Variants in HSPA12A observed in about 807,000 individuals in gnomAD.
The protein encoded by HSPA12A is heat shock 70 kDa protein 12A.
A neutral mutation model predicts 69.2 loss-of-function variants in HSPA12A; 28 were observed. That is an observed-to-expected ratio of 0.40 (90% confidence interval 0.30 to 0.55). The LOEUF (loss-of-function observed/expected upper bound fraction) is 0.55. Ranked by LOEUF, HSPA12A falls within the 20% of genes least tolerant of loss-of-function variation. HSPA12A has a pLI of 0.38. For synonymous variants in HSPA12A, 345 were observed against 370.5 expected (o/e 0.93, Z 0.79); for missense variants, 686 against 900.7 (o/e 0.76, Z 3.05).
At chr10:116,839,516 T>C (rs546009574) in intron 1 of HSPA12A, among the ~76,000 whole-genome samples, 1 of 150,806 alleles carries the variant, frequency 6.6e-6, no homozygotes, top group East Asian at 2.0e-4. Flanking sequence ...AAGTTACAGC[T>C]TATTTAAAAA....
chr10:116,726,055 A>G lies in HSPA12A; in HGVS notation c.40+16375T>C, dbSNP rs542303601. On this transcript the variant is annotated intron_variant, in intron 1 of 11. Coordinates refer to ENST00000369209, the MANE Select transcript of HSPA12A (RefSeq NM_025015.3). ...CACACACACACACACACACACACAC[A>G]ACAGGCCAAGCAGGACAAGGTGAAT... is the stretch of plus-strand genomic sequence containing the variant. Among the ~76,000 whole-genome samples the G allele has an allele frequency of 1.6e-3, 228 of 143,408 alleles. 3 individuals carry two copies. Among genetic ancestry groups the G allele is most frequent in the African/African-American group, 6.4e-3 (222 of 34,584 alleles). 94.1% of individuals were successfully genotyped at this position (143,408 alleles called of 152,430 possible).
intron 1 of HSPA12A, among the ~76,000 whole-genome samples, chr10:116,715,074 C>T (rs1024677476): frequency 3.3e-5 from 5 of 152,294 alleles, no homozygotes; most frequent in Admixed American, 6.5e-5. Flanking sequence ...AAGATAATCA[C>T]AAGGAAAATC....
At chr10:116,797,028 A>G (rs6585419) in intron 2 of HSPA12A, among the ~76,000 whole-genome samples, 66,467 of 151,952 alleles carry the variant, frequency 0.44, 14,791 homozygotes, top group Admixed American at 0.53. Flanking sequence ...TCCTCCAAAG[A>G]AATCCCACAG....
intron 2 of HSPA12A, among the ~76,000 whole-genome samples, chr10:116,787,267 G>A (rs904875220): frequency 6.6e-6 from 1 of 151,946 alleles, no homozygotes; most frequent in Non-Finnish European, 1.5e-5. Flanking sequence ...TCTACCCTCT[G>A]ACCAGCAATT....
intron 4 of HSPA12A, among the ~76,000 whole-genome samples, chr10:116,700,325 G>A (rs1412761845): frequency 1.3e-5 from 2 of 152,132 alleles, no homozygotes; most frequent in East Asian, 1.9e-4. Context: ...CCTTTTCTAC[G>A]AAGCTTCGGG....
rs147858720 is a variant in HSPA12A at position 116,757,104 on chromosome 10, C to T, written c.92-49819G>A. ...TGTTTAAGGATGGTCAGCAAAAAAG[C>T]TTGAGACCTGGAACTCTGACCACTC... On this transcript the variant is annotated intron_variant, in intron 2 of 12. Coordinates refer to the HSPA12A transcript ENST00000635765. Among the ~76,000 whole-genome samples, 616 of 152,306 alleles carry T rather than the reference C, an allele frequency of 4.0e-3. 1 individual carries two copies. Among genetic ancestry groups the T allele is most frequent in the African/African-American group, 0.014 (587 of 41,562 alleles).
chr10:116,679,867 T>G, intron 9 of HSPA12A, 106 bp from the exon 10 acceptor site: 2 of 1,142,974 alleles, frequency 1.7e-6, no homozygotes, highest in Non-Finnish European at 1.3e-6. Context: ...CACTTAGCAA[T>G]GGGACGGCAG....
intron 2 of HSPA12A, among the ~76,000 whole-genome samples, chr10:116,776,448 T>C (rs1844340611): frequency 6.6e-6 from 1 of 152,226 alleles, no homozygotes; most frequent in South Asian, 2.1e-4. Flanking sequence ...AGTAAAACTC[T>C]ACGCTCAAAA....
chr10:116,720,201 T>G (rs1370915714), intron 1 of HSPA12A, among the ~76,000 whole-genome samples: 5 of 152,168 alleles, frequency 3.3e-5, no homozygotes, highest in Admixed American at 6.5e-5. Context: ...CCCCCTGCCT[T>G]CAGGAGCCCA....
chr10:116,772,696 T>C (rs1844238838), intron 2 of HSPA12A, among the ~76,000 whole-genome samples: 1 of 151,882 alleles, frequency 6.6e-6, no homozygotes, highest in Admixed American at 6.6e-5. Context: ...GTTTATTTAT[T>C]TATTTATTTA....
rs1849990019 is a variant in HSPA12A at position 116,698,722 on chromosome 10, T to G, written c.459A>C (p.Thr153=). 1 of 1,613,756 alleles carries G rather than the reference T, an allele frequency of 6.2e-7. No individual in the cohort carries two copies. Among genetic ancestry groups the G allele is most frequent in the Admixed American group, 1.7e-5 (1 of 60,004 alleles). The part of the protein sequence containing the change: ...LHTTGDLTMD[T]DLTAANGKKV... ...TCTTGCCATTTGCTGCCGTCAGGTC[T>G]GTATCCATGGTGAGGTCCTGGTAGG... The change falls in exon 5 of 12, where the codon ACA becomes ACC. Residue 153 remains threonine (T), a synonymous_variant. Coordinates refer to ENST00000369209, the MANE Select transcript of HSPA12A (RefSeq NM_025015.3).
chr10:116,728,090 G>C (rs1313142613), intron 1 of HSPA12A, among the ~76,000 whole-genome samples: 1 of 151,886 alleles, frequency 6.6e-6, no homozygotes, highest in Non-Finnish European at 1.5e-5. Context: ...TTACAGGCAT[G>C]AGCCACCGCG....
At chr10:116,689,039 T>A (rs2921968) in intron 6 of HSPA12A, among the ~76,000 whole-genome samples, 79,230 of 151,912 alleles carry the variant, frequency 0.52, 21,049 homozygotes, top group Middle Eastern at 0.66. Flanking sequence ...AGCACTCAAC[T>A]CAAGGCGAGT....
At chr10:116,784,679 CACGTGTT>C (rs1844537877) in intron 2 of HSPA12A, among the ~76,000 whole-genome samples, 1 of 152,220 alleles carries the variant, frequency 6.6e-6, no homozygotes, top group African/African-American at 2.4e-5. Flanking sequence ...CCGTTCCCTC[CACGTGTT>C]GCCCTTGCAG....
intron 1 of HSPA12A, among the ~76,000 whole-genome samples, chr10:116,716,993 C>T (rs1174284036): frequency 6.6e-6 from 1 of 152,098 alleles, no homozygotes. Context: ...AATTCAAAAC[C>T]ACTAGAAATA....
intron 2 of HSPA12A, among the ~76,000 whole-genome samples, chr10:116,795,007 CTTAA>C (rs1564822039): frequency 6.6e-6 from 1 of 151,936 alleles, no homozygotes; most frequent in Non-Finnish European, 1.5e-5. Flanking sequence ...AACTTATAGC[CTTAA>C]TTGTGAATAT....
chr10:116,739,936 C>T (rs1373022788), intron 1 of HSPA12A, among the ~76,000 whole-genome samples: 1 of 151,950 alleles, frequency 6.6e-6, no homozygotes, highest in Non-Finnish European at 1.5e-5. Context: ...GCCTTTCTGA[C>T]ACCACCCCCC....
At chr10:116,830,499 T>C (rs1468545362) in intron 2 of HSPA12A, 1 of 152,074 alleles carries the variant, frequency 6.6e-6, no homozygotes, top group Non-Finnish European at 1.5e-5. Context: ...TATGGGCTGG[T>C]TGCGGTGGCT....
intron 2 of HSPA12A, among the ~76,000 whole-genome samples, chr10:116,776,433 C>T (rs1554891156): frequency 6.6e-6 from 1 of 152,232 alleles, no homozygotes; most frequent in Admixed American, 6.5e-5. Flanking sequence ...CTATTTATGG[C>T]TTACAGTAAA....
Sources: gnomAD v4.1 joint callset for allele counts (sites outside exome capture counted in the v4.1 genomes callset) on GRCh38, gnomAD v4.1.1 for gene constraint, MANE v1.5 for transcripts, NCBI Gene and HGNC (gene_info 2026-07-23, HGNC 2026-07-21) for gene names.